The following RORB variants were observed in gnomAD, a reference collection of about 807,000 sequenced individuals.
RORB encodes nuclear receptor ROR-beta.
Under a neutral mutation model 59.1 loss-of-function variants are expected in RORB, and 6 were observed. The observed-to-expected ratio is 0.10, with a 90% CI of 0.06 to 0.20. The LOEUF (loss-of-function observed/expected upper bound fraction) is 0.20. Ranked by LOEUF, RORB falls within the 10% of genes least tolerant of loss-of-function variation. The pLI is 1.00. For synonymous variants in RORB, 215 were observed against 204.5 expected (o/e 1.05, Z -0.44); for missense variants, 320 against 560.5 (o/e 0.57, Z 4.33).
intron 4 of RORB, among the ~76,000 whole-genome samples, chr9:74,652,914 T>C (rs143551597): frequency 3.7e-4 from 56 of 152,372 alleles, no homozygotes; most frequent in African/African-American, 1.3e-3. Context: ...AGATCACTAA[T>C]AGATTACTGT....
chr9:74,664,715 AAC>A (rs1272243648), intron 6 of RORB, among the ~76,000 whole-genome samples: 3 of 152,224 alleles, frequency 2.0e-5, no homozygotes, highest in African/African-American at 7.2e-5. Flanking sequence ...AAGGAAATAA[AAC>A]AGAGACATAA....
Position 74,689,404 on chromosome 9 carries a change from T to G in RORB, c.*3786T>G, listed in dbSNP as rs961423415. 6.6e-6 allele frequency: 1 copy of G among 152,244 alleles called. No homozygotes were observed. The highest frequency in any genetic ancestry group is 1.5e-5 in the Non-Finnish European group (1 of 68,092). 9.4% of individuals were successfully genotyped at this position (152,244 alleles called of 1,614,324 possible). ...CAGGCCTGAGCCACTGCGCCCTGCC[T>G]TCAGTGGCTCTTTTATCCCCCAAAG... is the stretch of plus-strand genomic sequence containing the variant. On this transcript the variant is annotated 3_prime_UTR_variant, in exon 10 of 10. Transcript: ENST00000376896.
intron 1 of RORB, among the ~76,000 whole-genome samples, chr9:74,597,796 TA>T (rs1587377447): frequency 1.3e-5 from 2 of 152,010 alleles, no homozygotes; most frequent in Non-Finnish European, 2.9e-5. Context: ...CCGTCTCTAC[TA>T]AAAATACAAA....
At chr9:74,582,023 C>A (rs1162150638) in intron 1 of RORB, among the ~76,000 whole-genome samples, 1 of 152,030 alleles carries the variant, frequency 6.6e-6, no homozygotes, top group Non-Finnish European at 1.5e-5. Flanking sequence ...AAATCAGATT[C>A]CTTGGGTTTG....
intron 1 of RORB, among the ~76,000 whole-genome samples, chr9:74,531,741 A>G (rs985507219): frequency 6.6e-6 from 1 of 152,004 alleles, no homozygotes; most frequent in Non-Finnish European, 1.5e-5. Flanking sequence ...AATAAGTACA[A>G]ATGAACTCAG....
intron 1 of RORB, among the ~76,000 whole-genome samples, chr9:74,586,525 A>G (rs1201471560): frequency 2.0e-5 from 3 of 150,956 alleles, no homozygotes; most frequent in Admixed American, 6.6e-5. Flanking sequence ...AGAGAAATAT[A>G]TTTTATTTAT....
At position 74,684,298 on chromosome 9, in the gene RORB, G is replaced by T. The variant is rs1046625064; in HGVS notation, c.1225-1165G>T. Among the ~76,000 whole-genome samples the T allele has an allele frequency of 2.0e-5, 3 of 152,268 alleles. No homozygotes were observed. The East Asian group carries it at 5.8e-4, about 29-fold the overall frequency. On this transcript the variant is annotated intron_variant, in intron 9 of 9. Transcript: ENST00000376896. ...ATTTCAAAGGCTGAAATGGATTCTT[G>T]TTATTGAATAGGGTAGGGAACATGA... is the stretch of plus-strand genomic sequence containing the variant.
Position 74,689,403 on chromosome 9 carries a change from C to G in RORB, c.*3785C>G, listed in dbSNP as rs2118592538. The G allele has an allele frequency of 6.6e-6, 1 of 152,372 alleles. No individual in the cohort carries two copies. Among genetic ancestry groups the G allele is most frequent in the South Asian group, 2.1e-4 (1 of 4,826 alleles). 9.4% of individuals were successfully genotyped at this position (152,372 alleles called of 1,614,324 possible). On this transcript the variant is annotated 3_prime_UTR_variant, in exon 10 of 10. Coordinates refer to ENST00000376896, the MANE Select transcript of RORB (RefSeq NM_006914.4). ...ACAGGCCTGAGCCACTGCGCCCTGCCTTCAGTGGCTCTTTTATCCCCCAAA... is the reference window on the plus strand; with the variant it reads ...ACAGGCCTGAGCCACTGCGCCCTGCGTTCAGTGGCTCTTTTATCCCCCAAA...
At chr9:74,667,134 A>C (rs748459999) in intron 7 of RORB, among the ~76,000 whole-genome samples, 3 of 152,238 alleles carry the variant, frequency 2.0e-5, no homozygotes, top group Non-Finnish European at 4.4e-5. Flanking sequence ...TCAAATAAAC[A>C]TTCACCAGGG....
chr9:74,506,974 T>C (rs569038700), intron 1 of RORB, among the ~76,000 whole-genome samples: 1 of 152,218 alleles, frequency 6.6e-6, no homozygotes, highest in South Asian at 2.1e-4. Flanking sequence ...TTGAGGTTTT[T>C]CCAAAAAGAT....
intron 2 of RORB, among the ~76,000 whole-genome samples, chr9:74,632,562 C>G (rs553219633): frequency 6.6e-6 from 1 of 152,102 alleles, no homozygotes; most frequent in Non-Finnish European, 1.5e-5. Context: ...AAATTTGGAA[C>G]GCAATCCCTT....
chr9:74,588,228 C>G (rs1283213008), intron 1 of RORB, among the ~76,000 whole-genome samples: 1 of 152,156 alleles, frequency 6.6e-6, no homozygotes, highest in Non-Finnish European at 1.5e-5. Context: ...GTCTCTCACT[C>G]TCAGTGAGAC....
At chr9:74,522,880 G>A (rs1826102703) in intron 1 of RORB, among the ~76,000 whole-genome samples, 1 of 151,782 alleles carries the variant, frequency 6.6e-6, no homozygotes, top group Non-Finnish European at 1.5e-5. Context: ...GAAGCAGAAT[G>A]TAAAATGCAT....
intron 9 of RORB, among the ~76,000 whole-genome samples, chr9:74,683,925 TG>T (rs1275789891): frequency 1.3e-5 from 2 of 152,200 alleles, no homozygotes; most frequent in Non-Finnish European, 2.9e-5. Flanking sequence ...CAATTCCTTG[TG>T]GTGCATCAAG....
intron 1 of RORB, among the ~76,000 whole-genome samples, chr9:74,531,722 T>G (rs1182825641): frequency 2.6e-5 from 4 of 152,038 alleles, no homozygotes; most frequent in African/African-American, 9.7e-5. Flanking sequence ...TATCTTCTTT[T>G]GAAAGAAAAA....
chr9:74,514,545 G>T (rs1351775671), intron 1 of RORB, among the ~76,000 whole-genome samples: 2 of 151,856 alleles, frequency 1.3e-5, no homozygotes, highest in Non-Finnish European at 2.9e-5. Flanking sequence ...ATTGAACTTA[G>T]TATTCCCATC....
At chr9:74,652,952 A>G (rs1480221897) in intron 4 of RORB, among the ~76,000 whole-genome samples, 1 of 152,216 alleles carries the variant, frequency 6.6e-6, no homozygotes, top group East Asian at 1.9e-4. Context: ...CAATGGTTTT[A>G]TTCTGACAGC....
chr9:74,583,780 T>C (rs1822758778), intron 1 of RORB, among the ~76,000 whole-genome samples: 1 of 152,204 alleles, frequency 6.6e-6, no homozygotes, highest in African/African-American at 2.4e-5. Context: ...CCCTCTCAAC[T>C]TTTTTGAGAT....
chr9:74,644,203 T>TGAAGC (rs1172771600), intron 4 of RORB, among the ~76,000 whole-genome samples: 1 of 152,180 alleles, frequency 6.6e-6, no homozygotes, highest in Non-Finnish European at 1.5e-5. Context: ...GTTATAAACC[T>TGAAGC]GAAGCGTTAT....
Sources: allele counts gnomAD v4.1 joint callset (sites outside exome capture counted in the v4.1 genomes callset), GRCh38; gene constraint gnomAD v4.1.1; transcripts MANE v1.5; gene names NCBI Gene and HGNC (gene_info 2026-07-23, HGNC 2026-07-21).